The following CABIN1 variants were observed in gnomAD, a reference collection of about 807,000 sequenced individuals.
The protein encoded by CABIN1 is calcineurin binding protein 1.
CABIN1 carries 133 observed loss-of-function variants against 227.7 expected under a neutral mutation model. That is an observed-to-expected ratio of 0.58 (90% CI 0.51 to 0.67). CABIN1 has a LOEUF of 0.67. Ranked by LOEUF, CABIN1 falls within the 30% of genes least tolerant of loss-of-function variation. CABIN1 has a pLI of 0.00. For synonymous variants in CABIN1, 1,086 were observed against 1,155.1 expected (o/e 0.94, Z 1.21); for missense variants, 2,408 against 2,852.5 (o/e 0.84, Z 3.55).
chr22:24,111,729 A>G (rs186674942), intron 26 of CABIN1, among the ~76,000 whole-genome samples: 7 of 152,378 alleles, frequency 4.6e-5, no homozygotes, highest in East Asian at 3.9e-4. Context: ...TGTAGTTTCT[A>G]CTGAATGCAT....
intron 8 of CABIN1, among the ~76,000 whole-genome samples, chr22:24,051,305 G>A (rs746112576): frequency 1.4e-4 from 22 of 152,090 alleles, no homozygotes; most frequent in Non-Finnish European, 2.8e-4. Flanking sequence ...CACTTGCCAG[G>A]AGGAAACTGA....
At chr22:24,073,649 G>A (rs2040245148) in intron 18 of CABIN1, among the ~76,000 whole-genome samples, 1 of 152,154 alleles carries the variant, frequency 6.6e-6, no homozygotes, top group Admixed American at 6.5e-5. Context: ...GGTGGATGGA[G>A]AGGAGGGCAC....
chr22:24,075,713 T>C (rs2040393746), intron 18 of CABIN1, among the ~76,000 whole-genome samples: 1 of 152,172 alleles, frequency 6.6e-6, no homozygotes, highest in South Asian at 2.1e-4. Flanking sequence ...CCAACTGTAC[T>C]CCAGCCTGGG....
intron 28 of CABIN1, among the ~76,000 whole-genome samples, chr22:24,121,580 C>T (rs1418958837): frequency 6.6e-6 from 1 of 152,240 alleles, no homozygotes; most frequent in East Asian, 1.9e-4. Flanking sequence ...CCAGGTGGAC[C>T]TGGGTCTTAA....
chr22:24,091,368 C>T (rs550506228), intron 23 of CABIN1, among the ~76,000 whole-genome samples: 1 of 152,304 alleles, frequency 6.6e-6, no homozygotes, highest in East Asian at 1.9e-4. Context: ...TTAAGTCCTG[C>T]TCTATGCCTT....
At chr22:24,118,416 G>C (rs2043206463) in intron 27 of CABIN1, among the ~76,000 whole-genome samples, 1 of 152,148 alleles carries the variant, frequency 6.6e-6, no homozygotes, top group Non-Finnish European at 1.5e-5. Flanking sequence ...GGGGGCCTTG[G>C]TTGTTGCTGA....
intron 28 of CABIN1, among the ~76,000 whole-genome samples, chr22:24,130,545 C>A (rs552994719): frequency 3.3e-5 from 5 of 152,168 alleles, no homozygotes; most frequent in Admixed American, 6.5e-5. Context: ...TACCTCACTA[C>A]ACCACGAAGC....
Position 24,059,344 on chromosome 22 carries a change from A to G in CABIN1, c.1380A>G (p.Ser460=), listed in dbSNP as rs747868650. 1.2e-6 allele frequency: 2 copies of G among 1,614,200 alleles called. No homozygotes were observed. Among genetic ancestry groups the G allele is most frequent in the Non-Finnish European group, 1.7e-6 (2 of 1,180,024 alleles). ...GGCCTCAAAGGCTGTCATTTGACTC[A>G]GCCACATTCATGGAATCTGGTAGGA... ...SIGPQRLSFD[S]ATFMESEKQD... Residue 460 remains serine (S), a synonymous_variant, in exon 11 of 37, where the codon TCA becomes TCG. Coordinates refer to ENST00000263119, the MANE Select transcript of CABIN1 (RefSeq NM_012295.4).
chr22:24,122,344 T>C (rs1602208724), intron 28 of CABIN1, among the ~76,000 whole-genome samples: 1 of 152,186 alleles, frequency 6.6e-6, no homozygotes, highest in African/African-American at 2.4e-5. Context: ...TTTGGCTTTT[T>C]TCAGATCTTA....
chr22:24,165,711 T>C, intron 31 of CABIN1, 85 bp downstream of exon 31: 1 of 1,076,738 alleles, frequency 9.3e-7, no homozygotes, highest in Non-Finnish European at 1.4e-6. Context: ...ATCCCTCTAT[T>C]TGCATACCCT....
chr22:24,054,177 A>G (rs2038593512), intron 8 of CABIN1, among the ~76,000 whole-genome samples: 1 of 152,188 alleles, frequency 6.6e-6, no homozygotes, highest in Non-Finnish European at 1.5e-5. Flanking sequence ...ATTAGAAGCA[A>G]TTAAGGGATG....
chr22:24,111,406 A>G (rs573382052), intron 26 of CABIN1, among the ~76,000 whole-genome samples: 184 of 152,260 alleles, frequency 1.2e-3, no homozygotes, highest in African/African-American at 3.4e-3. Flanking sequence ...CTCCTGTCCA[A>G]TCAGTGGCAG....
chr22:24,064,525 T>G (rs1397587450), intron 15 of CABIN1, among the ~76,000 whole-genome samples: 2 of 150,048 alleles, frequency 1.3e-5, no homozygotes, highest in African/African-American at 4.9e-5. Context: ...TTTTTTTTTT[T>G]TTTTTTTTTT....
chr22:24,107,059 C>A (rs186273595), intron 26 of CABIN1, among the ~76,000 whole-genome samples: 295 of 152,300 alleles, frequency 1.9e-3, no homozygotes, highest in Non-Finnish European at 3.6e-3. Context: ...CCCTGGACTC[C>A]TTCCTGTGGT....
At chr22:24,134,506 C>A in intron 29 of CABIN1, 91 bp downstream of exon 29, 1 of 1,070,416 alleles carries the variant, frequency 9.3e-7, no homozygotes, top group Non-Finnish European at 1.4e-6. Context: ...GTGGGTGTTC[C>A]CAGGGCCTCA....
intron 1 of CABIN1, among the ~76,000 whole-genome samples, chr22:24,017,255 T>G (rs1452310426): frequency 6.6e-6 from 1 of 152,072 alleles, no homozygotes; most frequent in Non-Finnish European, 1.5e-5. Flanking sequence ...GCCAGGATGG[T>G]CTCCATCTCC....
chr22:24,171,624 G>T, intron 33 of CABIN1, 89 bp from the exon 34 acceptor site: 4 of 1,498,502 alleles, frequency 2.7e-6, no homozygotes, highest in Non-Finnish European at 3.7e-6. Flanking sequence ...AGGATGTCCT[G>T]TGGGACAGCA....
Position 24,177,473 on chromosome 22 carries a change from A to G in CABIN1, c.6206-31A>G, listed in dbSNP as rs770757230. On this transcript the variant is annotated intron_variant, in intron 35 of 36. Transcript: ENST00000263119. The surrounding 1 kb of genome is among the most constrained non-coding windows in gnomAD (Gnocchi z 4.4). ...GTGCTCACTGTGTGATGCGGCAGGC[A>G]GGAAGTGCTCTTGGTACCTTTGTCT... 1.3e-6 allele frequency: 2 copies of G among 1,505,970 alleles called. No individual in the cohort carries two copies. The highest frequency in any genetic ancestry group is 1.8e-6 in the Non-Finnish European group (2 of 1,126,072). 93.3% of individuals were successfully genotyped at this position (1,505,970 alleles called of 1,614,324 possible). A position where few individuals can be genotyped will look rare whatever the true frequency, so the allele number is the denominator to read the frequency against.
chr22:24,089,164 T>C (rs541773170), intron 23 of CABIN1, among the ~76,000 whole-genome samples: 1 of 152,322 alleles, frequency 6.6e-6, no homozygotes, highest in African/African-American at 2.4e-5. Flanking sequence ...GCAAATGAGA[T>C]TTGGCAGAGT....
Sources: gnomAD v4.1 joint callset for allele counts (sites outside exome capture counted in the v4.1 genomes callset) on GRCh38, gnomAD v4.1.1 for gene constraint, Gnocchi (gnomAD v3.1) non-coding constraint, MANE v1.5 for transcripts, NCBI Gene and HGNC (gene_info 2026-07-23, HGNC 2026-07-21) for gene names.